EYS: variants seen among roughly 807,000 people sequenced by gnomAD.
EYS encodes the protein protein eyes shut homolog.
In EYS, 250 loss-of-function variants were observed where a neutral mutation model predicts 282.1. The observed-to-expected ratio is 0.89, with a 90% CI of 0.80 to 0.98. The LOEUF (loss-of-function observed/expected upper bound fraction) is 0.98, where lower values mean the gene tolerates loss of function less well. Ranked by LOEUF, EYS falls within the 50% of genes least tolerant of loss-of-function variation. EYS has a pLI of 0.00. For synonymous variants in EYS, 1,355 were observed against 1,282.9 expected, an observed-to-expected ratio of 1.06 and a Z score of -1.20; for missense variants, 4,016 against 3,709.0, an observed-to-expected ratio of 1.08 and a Z score of -2.15.
chr6:64,090,884 C>CA (rs1363008395), intron 31 of EYS, among the ~76,000 whole-genome samples: 1 of 152,070 alleles, frequency 6.6e-6, no homozygotes, highest in Non-Finnish European at 1.5e-5. Context: ...AACTTGTCTT[C>CA]ATTCCTTTCA....
In EYS at chr6:64,462,058, T is replaced by G. The variant is rs140466959; in HGVS notation, c.5645-22706A>C. Among the ~76,000 whole-genome samples the G allele has an allele frequency of 6.2e-4, 95 of 152,306 alleles. No homozygotes were observed. The East Asian group carries it at 0.01, about 16-fold the overall frequency. On this transcript the variant is annotated intron_variant, in intron 26 of 42. Coordinates refer to ENST00000503581, the MANE Select transcript of EYS (RefSeq NM_001142800.2). The stretch of plus-strand genomic sequence containing the variant: ...AAAACATTTAAGAAGTAACAATTTG[T>G]GTATAAAATGCTTTAAAATGTGTTT...
chr6:63,928,300 A>G (rs1407046401), intron 35 of EYS, among the ~76,000 whole-genome samples: 2 of 152,198 alleles, frequency 1.3e-5, no homozygotes, highest in African/African-American at 4.8e-5. Context: ...CCTATCTTAA[A>G]AAAAAGTACA....
intron 32 of EYS, 104 bp downstream of exon 32, chr6:64,081,752 G>A: frequency 9.9e-7 from 1 of 1,013,430 alleles, no homozygotes; most frequent in East Asian, 2.8e-5. Flanking sequence ...GCACTGGTCT[G>A]GAAAAATTCT....
intron 5 of EYS, among the ~76,000 whole-genome samples, chr6:65,473,479 T>C (rs1389474015): frequency 6.6e-6 from 1 of 152,036 alleles, no homozygotes; most frequent in Non-Finnish European, 1.5e-5. Context: ...ATAAAAAATG[T>C]TGGGATTTCC....
At chr6:64,666,215 C>T (rs1387643909) in intron 22 of EYS, among the ~76,000 whole-genome samples, 2 of 152,132 alleles carry the variant, frequency 1.3e-5, no homozygotes, top group Non-Finnish European at 2.9e-5. Context: ...ATGTAACAAA[C>T]GTTCAAGTGT....
intron 26 of EYS, among the ~76,000 whole-genome samples, chr6:64,587,156 T>C (rs1562076996): frequency 6.6e-6 from 1 of 152,018 alleles, no homozygotes; most frequent in Non-Finnish European, 1.5e-5. Flanking sequence ...GATGCCTCAC[T>C]TTGTTAATCG....
At chr6:65,530,469 T>A (rs561798875) in intron 2 of EYS, among the ~76,000 whole-genome samples, 5 of 152,308 alleles carry the variant, frequency 3.3e-5, no homozygotes, top group African/African-American at 1.2e-4. Context: ...AAAGATTGCA[T>A]GGCTTAAAGA....
chr6:65,380,965 A>T (rs1332427642), intron 8 of EYS, among the ~76,000 whole-genome samples: 1 of 152,158 alleles, frequency 6.6e-6, no homozygotes, highest in Non-Finnish European at 1.5e-5. Flanking sequence ...ACGTGGAAAT[A>T]ATAGATGCTG....
chr6:65,100,061 T>C (rs1201468762), intron 12 of EYS, among the ~76,000 whole-genome samples: 1 of 150,926 alleles, frequency 6.6e-6, no homozygotes, highest in Non-Finnish European at 1.5e-5. Context: ...GAAGATACTT[T>C]AGATTTAATT....
rs560467077 is a variant in EYS, at chr6:64,757,834, A to G, written c.3443+55544T>C. 2.0e-5 allele frequency among the ~76,000 whole-genome samples: 3 copies of G among 151,298 alleles called. No homozygotes were observed. The East Asian group carries it at 5.9e-4, about 30-fold the overall frequency. ...GAGTCTCGCTCTGTCGCCCAGGCAGAAGTGCACTGGCGCGATCTCGGCTCA... is the reference window on the plus strand; with the variant it reads ...GAGTCTCGCTCTGTCGCCCAGGCAGGAGTGCACTGGCGCGATCTCGGCTCA... On this transcript the variant is annotated intron_variant, in intron 22 of 42. Coordinates refer to ENST00000503581, the MANE Select transcript of EYS (RefSeq NM_001142800.2).
At chr6:65,094,067 A>T (rs1774652666) in intron 12 of EYS, among the ~76,000 whole-genome samples, 1 of 151,728 alleles carries the variant, frequency 6.6e-6, no homozygotes, top group Non-Finnish European at 1.5e-5. Context: ...CAGAATGTAT[A>T]CATGTTTGAA....
chr6:64,718,996 C>T (rs1238782558), intron 22 of EYS, among the ~76,000 whole-genome samples: 3 of 152,130 alleles, frequency 2.0e-5, no homozygotes, highest in Non-Finnish European at 4.4e-5. Context: ...TACGTGAACC[C>T]TTAAAGGCAG....
intron 31 of EYS, among the ~76,000 whole-genome samples, chr6:64,212,854 C>A (rs544637821): frequency 1.3e-5 from 2 of 152,206 alleles, no homozygotes; most frequent in African/African-American, 4.8e-5. Flanking sequence ...GACATAGAAT[C>A]AACCTAAATG....
At chr6:64,522,709 T>C (rs1198691899) in intron 26 of EYS, among the ~76,000 whole-genome samples, 1 of 151,722 alleles carries the variant, frequency 6.6e-6, no homozygotes, top group Non-Finnish European at 1.5e-5. Context: ...TGAATTACTG[T>C]TTTCTTCACA....
At chr6:64,209,588 A>G (rs1765700904) in intron 31 of EYS, among the ~76,000 whole-genome samples, 1 of 152,034 alleles carries the variant, frequency 6.6e-6, no homozygotes, top group Non-Finnish European at 1.5e-5. Flanking sequence ...TTTCTGTTCT[A>G]TTCTTGATTA....
At chr6:65,306,791 C>A (rs1769017312) in intron 11 of EYS, among the ~76,000 whole-genome samples, 1 of 110,018 alleles carries the variant, frequency 9.1e-6, no homozygotes, top group Non-Finnish European at 1.7e-5. Context: ...TGAGATCGTG[C>A]CACTGCACTC....
At chr6:65,416,368 T>C (rs1262252629) in intron 5 of EYS, among the ~76,000 whole-genome samples, 3 of 151,886 alleles carry the variant, frequency 2.0e-5, no homozygotes, top group African/African-American at 7.2e-5. Flanking sequence ...ATTCTCCAAG[T>C]GTAAGTTATT....
chr6:63,951,929 T>G (rs1196140835), intron 35 of EYS, among the ~76,000 whole-genome samples: 2 of 152,170 alleles, frequency 1.3e-5, no homozygotes, highest in South Asian at 4.1e-4. Flanking sequence ...ATTCTCAATA[T>G]GCATTTTATT....
intron 40 of EYS, among the ~76,000 whole-genome samples, chr6:63,766,597 A>G (rs990510873): frequency 1.3e-5 from 2 of 152,050 alleles, no homozygotes; most frequent in African/African-American, 2.4e-5. Flanking sequence ...GAAAAATTAT[A>G]GTAATGACAA....
Sources: allele counts gnomAD v4.1 joint callset (sites outside exome capture counted in the v4.1 genomes callset), GRCh38; gene constraint gnomAD v4.1.1; transcripts MANE v1.5; gene names NCBI Gene and HGNC (gene_info 2026-07-23, HGNC 2026-07-21).